HHAT: variants seen among roughly 807,000 people sequenced by gnomAD.
The protein encoded by HHAT is hedgehog acyltransferase.
A neutral mutation model predicts 70.8 loss-of-function variants in HHAT; 47 were observed. The ratio of observed to expected loss-of-function variants is 0.66; its 90% CI spans 0.53 to 0.85. The LOEUF is 0.85. HHAT is among the 40% of genes least tolerant of loss of function. The pLI is 0.00. For missense variants in HHAT, 609 were observed against 604.8 expected (o/e 1.01, Z -0.07); for synonymous variants, 228 against 247.6 (o/e 0.92, Z 0.74).
intron 4 of HHAT, among the ~76,000 whole-genome samples, chr1:210,390,867 A>G (rs542882851): frequency 6.6e-6 from 1 of 152,364 alleles, no homozygotes; most frequent in Admixed American, 6.5e-5. Flanking sequence ...TCCATGGTGT[A>G]TATATACCAC....
chr1:210,532,310 C>T (rs2095323311), intron 9 of HHAT, among the ~76,000 whole-genome samples: 1 of 152,140 alleles, frequency 6.6e-6, no homozygotes, highest in Non-Finnish European at 1.5e-5. Flanking sequence ...TAATAAAATG[C>T]AGATATGTAT....
chr1:210,558,342 G>A (rs1286244943), intron 9 of HHAT, among the ~76,000 whole-genome samples: 1 of 152,220 alleles, frequency 6.6e-6, no homozygotes, highest in Non-Finnish European at 1.5e-5. Flanking sequence ...GCAAAGAAGT[G>A]CTGCAGTAGA....
chr1:210,656,934 A>G (rs575575655), intron 11 of HHAT, among the ~76,000 whole-genome samples: 1 of 152,326 alleles, frequency 6.6e-6, no homozygotes, highest in African/African-American at 2.4e-5. Context: ...CCACTGTAGC[A>G]TCTCTGAGCT....
intron 11 of HHAT, among the ~76,000 whole-genome samples, chr1:210,636,264 C>T (rs1018913746): frequency 2.6e-5 from 4 of 152,150 alleles, no homozygotes; most frequent in Non-Finnish European, 1.5e-5. Flanking sequence ...TAGGGCTGAC[C>T]CAATAGTTAC....
intron 3 of HHAT, among the ~76,000 whole-genome samples, chr1:210,369,171 G>C (rs2089311571): frequency 6.6e-6 from 1 of 152,202 alleles, no homozygotes; most frequent in Non-Finnish European, 1.5e-5. Flanking sequence ...TGTAGAGGGG[G>C]ACTGCTGTTG....
chr1:210,351,770 T>G (rs1206979933), intron 2 of HHAT, among the ~76,000 whole-genome samples: 1 of 152,162 alleles, frequency 6.6e-6, no homozygotes, highest in Non-Finnish European at 1.5e-5. Context: ...TGGCTTACAT[T>G]TCTTACATTT....
intron 10 of HHAT, among the ~76,000 whole-genome samples, chr1:210,610,612 T>C (rs766587516): frequency 2.0e-5 from 3 of 152,210 alleles, no homozygotes; most frequent in Non-Finnish European, 4.4e-5. Context: ...CTGAATAGTA[T>C]TGCCTAGATT....
chr1:210,659,681 C>T (rs1467543906), intron 11 of HHAT, among the ~76,000 whole-genome samples: 2 of 152,154 alleles, frequency 1.3e-5, no homozygotes, highest in Non-Finnish European at 2.9e-5. Flanking sequence ...AAAATACTGG[C>T]AAACCAAATC....
intron 9 of HHAT, among the ~76,000 whole-genome samples, chr1:210,568,764 C>CAT (rs554374133): frequency 3.1e-3 from 471 of 152,290 alleles, no homozygotes; most frequent in African/African-American, 0.011. Flanking sequence ...TATTTCCTGT[C>CAT]ATAGCTGAAG....
chr1:210,559,725 T>C (rs2095604218), intron 9 of HHAT, among the ~76,000 whole-genome samples: 1 of 152,140 alleles, frequency 6.6e-6, no homozygotes, highest in Non-Finnish European at 1.5e-5. Context: ...TGTGACAATA[T>C]GCTGGCTGCT....
intron 11 of HHAT, among the ~76,000 whole-genome samples, chr1:210,652,389 G>T (rs76139282): frequency 0.08 from 12,185 of 152,258 alleles, 642 homozygotes; most frequent in South Asian, 0.17. Flanking sequence ...AGTTGGTTTT[G>T]ATTTCCTCGC....
At chr1:210,530,959 A>G (rs906862550) in intron 9 of HHAT, among the ~76,000 whole-genome samples, 2 of 152,220 alleles carry the variant, frequency 1.3e-5, no homozygotes, top group Non-Finnish European at 2.9e-5. Context: ...CATATCAATT[A>G]ACAACAAGGA....
At chr1:210,404,898 G>A (rs2092265184) in intron 6 of HHAT, among the ~76,000 whole-genome samples, 1 of 152,050 alleles carries the variant, frequency 6.6e-6, no homozygotes, top group African/African-American at 2.4e-5. Flanking sequence ...AGCTCTAGGG[G>A]GTCCCACCTT....
intron 7 of HHAT, among the ~76,000 whole-genome samples, chr1:210,449,116 A>G (rs1435978393): frequency 6.6e-6 from 1 of 152,176 alleles, no homozygotes; most frequent in Non-Finnish European, 1.5e-5. Flanking sequence ...ATAAAGGTTT[A>G]GGAGACAATT....
At chr1:210,493,428 T>C (rs1351472150) in intron 8 of HHAT, among the ~76,000 whole-genome samples, 2 of 152,164 alleles carry the variant, frequency 1.3e-5, no homozygotes, top group African/African-American at 4.8e-5. Context: ...TCTTTTCTCT[T>C]AAGGCCTTCA....
chr1:210,523,612 G>GTA (rs1293490275), intron 9 of HHAT, among the ~76,000 whole-genome samples: 1 of 152,028 alleles, frequency 6.6e-6, no homozygotes. Flanking sequence ...GTGTGTGTGT[G>GTA]TGCGCGCGCA....
chr1:210,386,346 C>T (rs1243849631), intron 3 of HHAT, among the ~76,000 whole-genome samples: 1 of 144,914 alleles, frequency 6.9e-6, no homozygotes, highest in Admixed American at 7.0e-5. Context: ...TCACGCCATT[C>T]TCCTGCCTCA....
Position 210,487,721 on chromosome 1 carries a change from C to T in HHAT, c.1007+23066C>T, listed in dbSNP as rs142540098. On this transcript the variant is annotated intron_variant, in intron 8 of 11. Transcript: ENST00000261458. ...ATAGGAAATGTTCTTTTACCTTTCC[C>T]TCAGCTGCCTAAAATAAAGTATAAA... is the stretch of plus-strand genomic sequence containing the variant. Among the ~76,000 whole-genome samples, 284 of 152,278 alleles carry T rather than the reference C, an allele frequency of 1.9e-3. 1 individual carries two copies. Among genetic ancestry groups the T allele is most frequent in the Admixed American group, 4.6e-3 (71 of 15,292 alleles).
chr1:210,420,241 T>G (rs982607465), intron 7 of HHAT, among the ~76,000 whole-genome samples: 2 of 151,866 alleles, frequency 1.3e-5, no homozygotes, highest in African/African-American at 2.4e-5. Flanking sequence ...AGATTCATGC[T>G]TGTTATGTAT....
Sources: allele counts gnomAD v4.1 joint callset (sites outside exome capture counted in the v4.1 genomes callset), GRCh38; gene constraint gnomAD v4.1.1; transcripts MANE v1.5; gene names NCBI Gene and HGNC (gene_info 2026-07-23, HGNC 2026-07-21).